GNG4: variants seen among roughly 807,000 people sequenced by gnomAD.
GNG4 encodes the protein guanine nucleotide-binding protein G(I)/G(S)/G(O) subunit gamma-4.
Under a neutral mutation model 5.8 loss-of-function variants are expected in GNG4, and 4 were observed. That is an observed-to-expected ratio of 0.69 (90% confidence interval 0.34 to 1.57). The LOEUF (loss-of-function observed/expected upper bound fraction) is 1.57, where lower values mean the gene tolerates loss of function less well. GNG4 is among the 40% of genes most tolerant of loss of function. The probability of loss-of-function intolerance (pLI) is 0.06; values close to 1 mark genes in which losing one functional copy is unlikely to be tolerated. For synonymous variants in GNG4, 29 were observed against 32.9 expected (o/e 0.88, Z 0.41); for missense variants, 96 against 95.1 (o/e 1.01, Z -0.04).
chr1:235,600,942 G>A (rs989634821), intron 1 of GNG4, among the ~76,000 whole-genome samples: 1 of 152,220 alleles, frequency 6.6e-6, no homozygotes. Flanking sequence ...AAGATAGGGC[G>A]GGCACGCCGT....
rs1657557797 is a variant in GNG4, at chr1:235,648,142, TC to T, written c.-123+1519del. Among the ~76,000 whole-genome samples, 1 of 152,136 alleles carries T rather than the reference TC, an allele frequency of 6.6e-6. No homozygotes were observed. The highest frequency in any genetic ancestry group is 2.1e-4 in the South Asian group (1 of 4,826). On this transcript the variant is annotated intron_variant, in intron 1 of 3. Transcript: ENST00000391854. The surrounding 1 kb of genome is among the most constrained non-coding windows in gnomAD (Gnocchi z 5.0). ...GCCAGGCCTACATCCTCCACTGGCT[TC>T]CTTGGGCGAATTTTAAGGCCTATGA...
intron 1 of GNG4, among the ~76,000 whole-genome samples, chr1:235,643,122 G>A (rs1275832011): frequency 6.6e-6 from 1 of 152,194 alleles, no homozygotes; most frequent in Admixed American, 6.5e-5. Context: ...GGCAGTCACA[G>A]CCAGACGGCC....
chr1:235,568,687 C>T (rs1687263310), intron 3 of GNG4, among the ~76,000 whole-genome samples: 1 of 152,084 alleles, frequency 6.6e-6, no homozygotes, highest in Non-Finnish European at 1.5e-5. Context: ...TGATATTTTC[C>T]TCCTTTGTGG....
chr1:235,596,858 G>A lies in GNG4; in HGVS notation c.-122-1347C>T, dbSNP rs980601791. On this transcript the variant is annotated intron_variant, in intron 1 of 3. Coordinates refer to ENST00000391854, the MANE Select transcript of GNG4 (RefSeq NM_001098722.2). ...CCACCTGAGCCTCCTGTGTAGCTGG[G>A]ACTACAGGCGTCCACTACCATGCCT... Among the ~76,000 whole-genome samples the A allele has an allele frequency of 3.3e-5, 5 of 152,104 alleles. No homozygotes were observed. In the South Asian group the frequency reaches 6.2e-4, roughly 19 times the overall value.
At chr1:235,643,463 CTAGGTTCTGACT>C (rs1657397739) in intron 1 of GNG4, among the ~76,000 whole-genome samples, 1 of 152,232 alleles carries the variant, frequency 6.6e-6, no homozygotes, top group Non-Finnish European at 1.5e-5. Flanking sequence ...TGCACCCCCT[CTAGGTTCTGACT>C]CCTCTGGAGT....
chr1:235,596,477 C>T (rs1450980744), intron 1 of GNG4, among the ~76,000 whole-genome samples: 4 of 152,060 alleles, frequency 2.6e-5, no homozygotes, highest in Admixed American at 6.6e-5. Flanking sequence ...GCAGAGGTTG[C>T]GGTGAGCCAA....
chr1:235,553,010 C>T (rs1485765242), intron 3 of GNG4, among the ~76,000 whole-genome samples: 2 of 152,130 alleles, frequency 1.3e-5, no homozygotes, highest in South Asian at 2.1e-4. Flanking sequence ...CTGCCCACCT[C>T]GGCTTCCCAA....
intron 2 of GNG4, among the ~76,000 whole-genome samples, chr1:235,587,877 T>TG (rs921742580): frequency 3.5e-4 from 52 of 147,706 alleles, no homozygotes; most frequent in South Asian, 8.8e-4. Flanking sequence ...TGAGAGGGTG[T>TG]GGGGGGTGTG....
intron 1 of GNG4, among the ~76,000 whole-genome samples, chr1:235,637,616 T>C (rs1308797472): frequency 7.0e-6 from 1 of 142,778 alleles, no homozygotes; most frequent in African/African-American, 2.7e-5. Flanking sequence ...ATTGCACCAC[T>C]GCACTCCAGC....
intron 1 of GNG4, among the ~76,000 whole-genome samples, chr1:235,605,257 C>G (rs897358051): frequency 6.6e-6 from 1 of 151,324 alleles, no homozygotes; most frequent in Non-Finnish European, 1.5e-5. Flanking sequence ...GCGGCACGAT[C>G]CCGGCTCACT....
intron 3 of GNG4, among the ~76,000 whole-genome samples, chr1:235,560,906 G>T (rs1572612145): frequency 6.6e-6 from 1 of 152,206 alleles, no homozygotes; most frequent in East Asian, 1.9e-4. Flanking sequence ...GTATCTTATT[G>T]TTTTAATTTG....
chr1:235,603,197 C>A (rs1025196561), intron 1 of GNG4, among the ~76,000 whole-genome samples: 1 of 151,662 alleles, frequency 6.6e-6, no homozygotes, highest in Admixed American at 6.6e-5. Context: ...GAGCAGAGAT[C>A]GCGCCACTTG....
intron 1 of GNG4, among the ~76,000 whole-genome samples, chr1:235,608,306 T>TA (rs1376880816): frequency 2.6e-5 from 4 of 152,126 alleles, no homozygotes; most frequent in African/African-American, 9.7e-5. Flanking sequence ...ATTTCCTTTT[T>TA]AAAAAAATAC....
intron 3 of GNG4, 84 bp downstream of exon 3, chr1:235,583,656 C>G: frequency 1.2e-6 from 1 of 852,200 alleles, no homozygotes; most frequent in Non-Finnish European, 2.0e-6. Context: ...GACGTGTTAA[C>G]TCTCACAAGT....
chr1:235,597,628 G>GTGTGTGTT (rs772061855), intron 1 of GNG4, among the ~76,000 whole-genome samples: 3 of 72,452 alleles, frequency 4.1e-5, no homozygotes, highest in African/African-American at 5.9e-5. Flanking sequence ...GTGTGTGTGT[G>GTGTGTGTT]TATTTTTTTT....
intron 1 of GNG4, among the ~76,000 whole-genome samples, chr1:235,603,120 G>A (rs1466354014): frequency 7.9e-5 from 12 of 152,068 alleles, no homozygotes; most frequent in African/African-American, 2.7e-4. Context: ...GCAGGTGCCT[G>A]AAGTCCCAGC....
At chr1:235,566,974 C>T (rs1011897441) in intron 3 of GNG4, 14 of 151,992 alleles carry the variant, frequency 9.2e-5, no homozygotes, top group African/African-American at 3.4e-4. Flanking sequence ...TAAAGTCTTG[C>T]TCTGTTGCCC....
intron 3 of GNG4, among the ~76,000 whole-genome samples, chr1:235,553,048 C>T (rs976124677): frequency 5.2e-5 from 6 of 115,086 alleles, no homozygotes; most frequent in South Asian, 2.9e-4. Flanking sequence ...CATGAGCCAC[C>T]GTGCCCAGCC....
intron 3 of GNG4, 120 bp from the exon 4 acceptor site, chr1:235,552,357 C>CG: frequency 1.1e-6 from 1 of 884,968 alleles, no homozygotes; most frequent in Non-Finnish European, 1.8e-6. Flanking sequence ...TGTGCACGGC[C>CG]TACAACATGG....
Sources: gnomAD v4.1 joint callset for allele counts (sites outside exome capture counted in the v4.1 genomes callset) on GRCh38, gnomAD v4.1.1 for gene constraint, Gnocchi (gnomAD v3.1) non-coding constraint, MANE v1.5 for transcripts, NCBI Gene and HGNC (gene_info 2026-07-23, HGNC 2026-07-21) for gene names.